Variants in TAF1A observed in about 807,000 individuals in gnomAD.
TAF1A encodes TATA-box binding protein associated factor, RNA polymerase I subunit A.
TAF1A carries 42 observed loss-of-function variants against 61.6 expected under a neutral mutation model. The observed-to-expected ratio is 0.68, with a 90% CI of 0.53 to 0.88. TAF1A has a LOEUF of 0.88. Ranked by LOEUF, TAF1A falls within the 40% of genes least tolerant of loss-of-function variation. The pLI is 0.00. For synonymous variants in TAF1A, 179 were observed against 177.7 expected, an observed-to-expected ratio of 1.01 and a Z score of -0.06; for missense variants, 424 against 518.7, an observed-to-expected ratio of 0.82 and a Z score of 1.77.
intron 1 of TAF1A, among the ~76,000 whole-genome samples, chr1:222,589,465 T>C (rs1661163523): frequency 6.6e-6 from 1 of 152,170 alleles, no homozygotes; most frequent in Non-Finnish European, 1.5e-5. Context: ...GAATTATAAG[T>C]AACAACTGAA....
In TAF1A at chr1:222,580,686, T is replaced by C. The variant is rs576737631; in HGVS notation, c.292-814A>G. 7.2e-5 allele frequency among the ~76,000 whole-genome samples: 11 copies of C among 151,790 alleles called. No homozygotes were observed. In the South Asian group the frequency reaches 2.3e-3, roughly 32 times the overall value. The stretch of plus-strand genomic sequence containing the variant: ...AGATTTCATTTGTAGAATATCACAC[T>C]GTAGTATTTGGGAGCTTAAAGAAAA... On this transcript the variant is annotated intron_variant, in intron 3 of 10. Transcript: ENST00000352967.
At chr1:222,564,701 A>T (rs2102642099) in intron 7 of TAF1A, among the ~76,000 whole-genome samples, 1 of 152,296 alleles carries the variant, frequency 6.6e-6, no homozygotes, top group South Asian at 2.1e-4. Context: ...TATTTTTATG[A>T]ATATTCAAAA....
chr1:222,561,924 T>G (rs1309115031), intron 9 of TAF1A, among the ~76,000 whole-genome samples: 1 of 152,156 alleles, frequency 6.6e-6, no homozygotes, highest in Non-Finnish European at 1.5e-5. Flanking sequence ...ACTATTCTAG[T>G]AGTAGGGTAC....
At chr1:222,572,713 T>A (rs1256007615) in intron 5 of TAF1A, among the ~76,000 whole-genome samples, 1 of 152,164 alleles carries the variant, frequency 6.6e-6, no homozygotes, top group Non-Finnish European at 1.5e-5. Context: ...AATAATAGAC[T>A]TTTCAATAAA....
Position 222,558,665 on chromosome 1 carries a change from G to C in TAF1A, c.1348C>G (p.Leu450Val). ...VKKYSIVNPRL is the reference protein window; with the variant it reads ...VKKYSIVNPRV ...GAAATAACTAAAATTCAGTATCAGA[G>C]TCTTGGATTTACAATACTGTATTTT... Residue 450 changes from leucine (L) to valine (V), a missense_variant, in exon 11 of 11, where the codon CTC becomes GTC. Leu to Val is a conservative substitution (Grantham distance 32, BLOSUM62 1). Coordinates refer to ENST00000352967, the MANE Select transcript of TAF1A (RefSeq NM_005681.4). 2 of 1,520,772 alleles carry C rather than the reference G, an allele frequency of 1.3e-6. No homozygotes were observed. The highest frequency in any genetic ancestry group is 1.3e-5 in the South Asian group (1 of 78,516). The allele number at this position is 1,520,772 out of a possible 1,614,324, so 94.2% of individuals were successfully genotyped here.
intron 7 of TAF1A, chr1:222,569,201 G>C (rs1277163505): frequency 8.1e-6 from 9 of 1,114,254 alleles, no homozygotes; most frequent in Non-Finnish European, 1.0e-5. Flanking sequence ...CTTAAAATAA[G>C]TGTGTTTACT....
At chr1:222,589,295 C>T (rs530093564) in intron 1 of TAF1A, among the ~76,000 whole-genome samples, 3 of 152,266 alleles carry the variant, frequency 2.0e-5, no homozygotes, top group Admixed American at 6.5e-5. Flanking sequence ...CCCCTATTTC[C>T]CCTCTTCAAT....
intron 9 of TAF1A, among the ~76,000 whole-genome samples, chr1:222,561,818 G>A (rs1659928543): frequency 6.6e-6 from 1 of 152,154 alleles, no homozygotes; most frequent in Non-Finnish European, 1.5e-5. Flanking sequence ...CATCTACTAT[G>A]TATGTGATCC....
At chr1:222,564,033 G>A in intron 8 of TAF1A, 26 bp downstream of exon 8, 1 of 1,393,798 alleles carries the variant, frequency 7.2e-7, no homozygotes, top group Non-Finnish European at 1.0e-6. Flanking sequence ...GTCTACACAA[G>A]GTATAAAACA....
chr1:222,560,421 A>G (rs890759562), intron 10 of TAF1A, among the ~76,000 whole-genome samples: 2 of 152,176 alleles, frequency 1.3e-5, no homozygotes, highest in Admixed American at 6.5e-5. Context: ...AAGGCTCCTA[A>G]AAGTTAATTG....
At chr1:222,558,943 A>T (rs1659806882) in intron 10 of TAF1A, among the ~76,000 whole-genome samples, 171 bp from the exon 11 acceptor site, 1 of 152,198 alleles carries the variant, frequency 6.6e-6, no homozygotes, top group South Asian at 2.1e-4. Context: ...AATGAAATAC[A>T]TTTGTTCCTA....
intron 5 of TAF1A, among the ~76,000 whole-genome samples, chr1:222,571,936 G>C (rs750170923): frequency 6.6e-6 from 1 of 152,132 alleles, no homozygotes; most frequent in East Asian, 1.9e-4. Context: ...TATGACTATG[G>C]CCAGGCATGG....
At chr1:222,570,438 C>T in intron 6 of TAF1A, 97 bp downstream of exon 6, 1 of 1,236,404 alleles carries the variant, frequency 8.1e-7, no homozygotes, top group Non-Finnish European at 1.1e-6. Flanking sequence ...TAATTTTTTC[C>T]ATTAGTTTCT....
rs1454436991 is a variant in TAF1A at position 222,577,460 on chromosome 1, C to G, written c.589G>C (p.Glu197Gln). The G allele has an allele frequency of 6.2e-7, 1 of 1,613,790 alleles. No individual in the cohort carries two copies. Among genetic ancestry groups the G allele is most frequent in the Admixed American group, 1.7e-5 (1 of 60,006 alleles). Residue 197 changes from glutamate (E) to glutamine (Q), a missense_variant, in exon 5 of 11, where the codon GAA becomes CAA. Glu to Gln is a conservative substitution (Grantham distance 29, BLOSUM62 2). Coordinates refer to ENST00000352967, the MANE Select transcript of TAF1A (RefSeq NM_005681.4). The part of the protein sequence containing the change: ...QYYTWSEKKM[E>Q]LSKLDKDDYA... ...ATTCACTTACCAAGCTTTGACAATTCCATCTTCTTTTCAGACCAGGTATAA... is the reference window on the plus strand; with the variant it reads ...ATTCACTTACCAAGCTTTGACAATTGCATCTTCTTTTCAGACCAGGTATAA...
chr1:222,564,612 G>A (rs925674837), intron 7 of TAF1A, among the ~76,000 whole-genome samples: 5 of 151,974 alleles, frequency 3.3e-5, no homozygotes, highest in African/African-American at 1.2e-4. Context: ...AGTTTACTAA[G>A]GTTATATGAG....
chr1:222,561,359 T>G lies in TAF1A; in HGVS notation c.1240+5A>C, dbSNP rs745994297. 1.9e-6 allele frequency: 3 copies of G among 1,594,828 alleles called. No homozygotes were observed. Among genetic ancestry groups the G allele is most frequent in the Non-Finnish European group, 2.6e-6 (3 of 1,174,074 alleles). ...GTCTAGATAAAACGAAAATAAAAAC[T>G]GTACCTTTTCCTAACAGTAAACCAG... On this transcript the variant is annotated splice_donor_5th_base_variant and intron_variant, in intron 10 of 10. Transcript: ENST00000352967.
chr1:222,583,427 A>AG (rs1196511205), intron 3 of TAF1A, among the ~76,000 whole-genome samples: 2 of 3,022 alleles, frequency 6.6e-4, no homozygotes, highest in East Asian at 0.033. Flanking sequence ...TGATAAAACG[A>AG]AAAAAAAAAG....
intron 3 of TAF1A, among the ~76,000 whole-genome samples, chr1:222,581,659 A>C (rs917360967): frequency 5.9e-5 from 9 of 152,168 alleles, no homozygotes; most frequent in African/African-American, 2.2e-4. Context: ...AGTTGGAGTA[A>C]GGCAATTGCA....
chr1:222,588,862 A>C (rs193065631), intron 1 of TAF1A, among the ~76,000 whole-genome samples: 5 of 152,364 alleles, frequency 3.3e-5, no homozygotes, highest in African/African-American at 1.2e-4. Flanking sequence ...AAAACGTATA[A>C]TAACAAAACA....
Sources: allele counts gnomAD v4.1 joint callset (sites outside exome capture counted in the v4.1 genomes callset), GRCh38; gene constraint gnomAD v4.1.1; transcripts MANE v1.5; gene names NCBI Gene and HGNC (gene_info 2026-07-23, HGNC 2026-07-21).